RABGAP1L: variants seen among roughly 807,000 people sequenced by gnomAD.
RABGAP1L encodes the protein RAB GTPase activating protein 1 like.
RABGAP1L carries 63 observed loss-of-function variants against 137.7 expected under a neutral mutation model. The ratio of observed to expected loss-of-function variants is 0.46; its 90% CI spans 0.37 to 0.56. The LOEUF (loss-of-function observed/expected upper bound fraction) is 0.56. RABGAP1L is among the 20% of genes least tolerant of loss of function. The probability of loss-of-function intolerance (pLI) is 0.00; values close to 1 mark genes in which losing one functional copy is unlikely to be tolerated. For synonymous variants in RABGAP1L, 431 were observed against 433.7 expected, an observed-to-expected ratio of 0.99 and a Z score of 0.08; for missense variants, 1,095 against 1,244.0, an observed-to-expected ratio of 0.88 and a Z score of 1.80.
intron 13 of RABGAP1L, among the ~76,000 whole-genome samples, chr1:174,604,539 A>T (rs1670638247): frequency 6.6e-6 from 1 of 152,286 alleles, no homozygotes; most frequent in East Asian, 1.9e-4. Context: ...ATTCTCATGA[A>T]GGTGCTTCAT....
At chr1:174,742,944 G>A (rs1428810321) in intron 17 of RABGAP1L, among the ~76,000 whole-genome samples, 1 of 152,166 alleles carries the variant, frequency 6.6e-6, no homozygotes, top group Non-Finnish European at 1.5e-5. Flanking sequence ...AGTCCTCTGA[G>A]TGTAGGGATG....
chr1:174,649,908 T>C (rs1432466038), intron 14 of RABGAP1L, among the ~76,000 whole-genome samples: 9 of 152,174 alleles, frequency 5.9e-5, no homozygotes, highest in Admixed American at 1.3e-4. Flanking sequence ...CCCTGTCTTG[T>C]GCCAGTTTTC....
chr1:174,826,962 G>T (rs1691624868), intron 19 of RABGAP1L, among the ~76,000 whole-genome samples: 1 of 152,184 alleles, frequency 6.6e-6, no homozygotes, highest in Admixed American at 6.5e-5. Context: ...TTAAACAACA[G>T]AAATTTGCTT....
rs368576945 is a variant in RABGAP1L, at chr1:174,252,432, T to C, written c.876-48T>C. On this transcript the variant is annotated intron_variant, in intron 6 of 25. Transcript: ENST00000681986. ...TCTAACCTTGGAATAGGTTATTTTA[T>C]CATTTTATTAGATTATTGGTAATTC... is the stretch of plus-strand genomic sequence containing the variant. 2.6e-4 allele frequency: 420 copies of C among 1,586,088 alleles called. 7 individuals are homozygous for C. In the South Asian group the frequency reaches 4.4e-3, roughly 17 times the overall value.
At chr1:174,683,058 G>GTTTTTT (rs35576869) in intron 14 of RABGAP1L, among the ~76,000 whole-genome samples, 2 of 111,638 alleles carry the variant, frequency 1.8e-5, no homozygotes, top group African/African-American at 3.5e-5. Flanking sequence ...TTCTAAAGGG[G>GTTTTTT]TTTTTTTTTT....
chr1:174,226,217 T>C (rs1670164839), intron 3 of RABGAP1L, among the ~76,000 whole-genome samples: 1 of 152,178 alleles, frequency 6.6e-6, no homozygotes, highest in Non-Finnish European at 1.5e-5. Context: ...ACCACTGTAA[T>C]AGAGGTTCAG....
At chr1:174,887,962 G>T (rs537207171) in intron 19 of RABGAP1L, among the ~76,000 whole-genome samples, 62 of 152,128 alleles carry the variant, frequency 4.1e-4, no homozygotes, top group African/African-American at 1.4e-3. Flanking sequence ...GCTTGAACCT[G>T]GGAGGCAGAG....
chr1:174,993,334 C>G lies in RABGAP1L; in HGVS notation c.*3333C>G, dbSNP rs1672177429. 1 of 152,110 alleles carries G rather than the reference C, an allele frequency of 6.6e-6. No individual in the cohort carries two copies. The highest frequency in any genetic ancestry group is 1.5e-5 in the Non-Finnish European group (1 of 68,016). The allele number at this position is 152,110 out of a possible 1,614,324, so 9.4% of individuals were successfully genotyped here. ...CTTCTTCATTGGCTTTCTGAAATGT[C>G]CTGAGTAAAGTAGAAAAGCAACCTT... On this transcript the variant is annotated 3_prime_UTR_variant, in exon 26 of 26. Coordinates refer to ENST00000681986, the MANE Select transcript of RABGAP1L (RefSeq NM_001366446.1).
At chr1:174,386,439 G>C (rs185042049) in intron 12 of RABGAP1L, among the ~76,000 whole-genome samples, 1 of 151,964 alleles carries the variant, frequency 6.6e-6, no homozygotes, top group Non-Finnish European at 1.5e-5. Context: ...GCCAGTTTCT[G>C]AATCTAAACC....
chr1:174,710,988 G>A (rs568979375), intron 17 of RABGAP1L, among the ~76,000 whole-genome samples: 5 of 152,174 alleles, frequency 3.3e-5, no homozygotes, highest in Non-Finnish European at 7.4e-5. Flanking sequence ...AGGCATGGCG[G>A]GCTGCAGGTC....
Position 174,505,897 on chromosome 1 carries a change from C to G in RABGAP1L, c.1710+111752C>G, listed in dbSNP as rs972102753. 1.3e-5 allele frequency among the ~76,000 whole-genome samples: 2 copies of G among 152,152 alleles called. 1 individual carries two copies. The highest frequency in any genetic ancestry group is 2.9e-5 in the Non-Finnish European group (2 of 68,018). ...ACAATAGCCAGGATATGTCATCAAC[C>G]TGAGTCCATCAGTGGATGAATGGAA... On this transcript the variant is annotated intron_variant, in intron 13 of 25. Coordinates refer to ENST00000681986, the MANE Select transcript of RABGAP1L (RefSeq NM_001366446.1).
intron 11 of RABGAP1L, among the ~76,000 whole-genome samples, chr1:174,332,069 G>T (rs544931041): frequency 6.6e-6 from 1 of 152,268 alleles, no homozygotes; most frequent in African/African-American, 2.4e-5. Context: ...GAGGAAATTT[G>T]TGAAGTAGCA....
At chr1:174,716,922 T>C (rs1681068596) in intron 17 of RABGAP1L, among the ~76,000 whole-genome samples, 1 of 152,196 alleles carries the variant, frequency 6.6e-6, no homozygotes, top group East Asian at 1.9e-4. Flanking sequence ...CGTGTAGTTG[T>C]TCTCCTAACA....
intron 1 of RABGAP1L, among the ~76,000 whole-genome samples, chr1:174,188,103 T>C (rs900561250): frequency 3.9e-5 from 6 of 152,196 alleles, no homozygotes; most frequent in Non-Finnish European, 7.4e-5. Context: ...ATAAAGACTA[T>C]GGGCAGTAAG....
At chr1:174,450,595 G>A (rs1371368881) in intron 13 of RABGAP1L, among the ~76,000 whole-genome samples, 2 of 152,176 alleles carry the variant, frequency 1.3e-5, no homozygotes, top group Middle Eastern at 3.4e-3. Context: ...ATTTTCTTTT[G>A]TAATGATCTG....
At chr1:174,192,589 TG>T (rs1187746268) in intron 1 of RABGAP1L, among the ~76,000 whole-genome samples, 1 of 152,184 alleles carries the variant, frequency 6.6e-6, no homozygotes, top group Non-Finnish European at 1.5e-5. Context: ...CCCAAAGTGC[TG>T]GGATTACACA....
intron 13 of RABGAP1L, among the ~76,000 whole-genome samples, chr1:174,495,189 A>G (rs1233911734): frequency 6.6e-6 from 1 of 152,120 alleles, no homozygotes; most frequent in African/African-American, 2.4e-5. Flanking sequence ...CCTCTGGAAG[A>G]TATATATCAT....
intron 11 of RABGAP1L, among the ~76,000 whole-genome samples, chr1:174,334,605 C>G (rs1277026402): frequency 6.6e-6 from 1 of 152,168 alleles, no homozygotes; most frequent in Non-Finnish European, 1.5e-5. Context: ...AACAAACAAA[C>G]CAGATGAACT....
chr1:174,950,899 A>G (rs1239569796), intron 19 of RABGAP1L, among the ~76,000 whole-genome samples: 1 of 152,218 alleles, frequency 6.6e-6, no homozygotes, highest in Non-Finnish European at 1.5e-5. Context: ...GTACTTTACC[A>G]GTATTTGCAT....
Sources: allele counts gnomAD v4.1 joint callset (sites outside exome capture counted in the v4.1 genomes callset), GRCh38; gene constraint gnomAD v4.1.1; transcripts MANE v1.5; gene names NCBI Gene and HGNC (gene_info 2026-07-23, HGNC 2026-07-21).